TMTC2: variants seen among roughly 807,000 people sequenced by gnomAD.
The protein encoded by TMTC2 is transmembrane O-mannosyltransferase targeting cadherins 2.
In TMTC2, 43 loss-of-function variants were observed where a neutral mutation model predicts 82.4. That is an observed-to-expected ratio of 0.52 (90% CI 0.41 to 0.67). The LOEUF (loss-of-function observed/expected upper bound fraction) is 0.67, where lower values mean the gene tolerates loss of function less well. Ranked by LOEUF, TMTC2 falls within the 30% of genes least tolerant of loss-of-function variation. The pLI is 0.00. For synonymous variants in TMTC2, 408 were observed against 381.9 expected, an observed-to-expected ratio of 1.07 and a Z score of -0.80; for missense variants, 919 against 1,012.4, an observed-to-expected ratio of 0.91 and a Z score of 1.25.
intron 1 of TMTC2, among the ~76,000 whole-genome samples, chr12:82,698,343 C>T (rs747561543): frequency 6.6e-5 from 10 of 152,060 alleles, no homozygotes; most frequent in Non-Finnish European, 1.2e-4. Flanking sequence ...GCTCAGCTCT[C>T]ATGAACTCAG....
chr12:83,075,573 G>T (rs1285907081), intron 11 of TMTC2, among the ~76,000 whole-genome samples: 3 of 151,914 alleles, frequency 2.0e-5, no homozygotes, highest in Non-Finnish European at 4.4e-5. Flanking sequence ...TTGATCTTAG[G>T]TTTATTCACA....
At chr12:82,694,419 A>G (rs1364314351) in intron 1 of TMTC2, among the ~76,000 whole-genome samples, 12 of 152,226 alleles carry the variant, frequency 7.9e-5, no homozygotes, top group Non-Finnish European at 1.3e-4. Flanking sequence ...TTATTCCTGT[A>G]CCACATTGCT....
At chr12:82,743,315 C>G (rs1463336049) in intron 1 of TMTC2, among the ~76,000 whole-genome samples, 2 of 151,942 alleles carry the variant, frequency 1.3e-5, no homozygotes, top group South Asian at 2.1e-4. Context: ...GTGGTGCGTT[C>G]CTGTAATCAT....
intron 1 of TMTC2, among the ~76,000 whole-genome samples, chr12:82,784,615 C>G (rs1397852484): frequency 1.3e-5 from 2 of 152,088 alleles, no homozygotes; most frequent in Non-Finnish European, 2.9e-5. Context: ...CTTTCTCATT[C>G]ACCTTAAAGC....
chr12:82,938,405 C>CT (rs1876526927), intron 4 of TMTC2, among the ~76,000 whole-genome samples: 1 of 152,064 alleles, frequency 6.6e-6, no homozygotes, highest in Admixed American at 6.6e-5. Flanking sequence ...AAAAGTAATA[C>CT]TTCAGGACAG....
Position 83,127,949 on chromosome 12 carries a change from T to A in TMTC2, c.2332-4261T>A, listed in dbSNP as rs74106071. 4.1e-3 allele frequency among the ~76,000 whole-genome samples: 618 copies of A among 152,290 alleles called. 7 individuals are homozygous for A. The highest frequency in any genetic ancestry group is 0.014 in the African/African-American group (589 of 41,564). On this transcript the variant is annotated intron_variant, in intron 11 of 11. Coordinates refer to ENST00000321196, the MANE Select transcript of TMTC2 (RefSeq NM_152588.3). ...AAATATATCATTTTCTGTTTCAGTATGGCTGCCAGTCAGTCCCTTTGATAT... is the reference window on the plus strand; with the variant it reads ...AAATATATCATTTTCTGTTTCAGTAAGGCTGCCAGTCAGTCCCTTTGATAT...
In TMTC2 at chr12:82,940,967, C is replaced by T. The variant is rs149173258; in HGVS notation, c.1598+10422C>T. On this transcript the variant is annotated intron_variant, in intron 4 of 11. Coordinates refer to ENST00000321196, the MANE Select transcript of TMTC2 (RefSeq NM_152588.3). ...TAACATGACCCAGATTATAAAGAGC[C>T]AAGTATTTATGGTATTTGTGATACC... Among the ~76,000 whole-genome samples, 44 of 151,904 alleles carry T rather than the reference C, an allele frequency of 2.9e-4. 1 individual carries two copies. Among genetic ancestry groups the T allele is most frequent in the African/African-American group, 1.0e-3 (42 of 41,426 alleles).
chr12:82,918,714 TTCTC>T (rs61006862), intron 3 of TMTC2, among the ~76,000 whole-genome samples: 126,405 of 148,386 alleles, frequency 0.85, 53,861 homozygotes, highest in East Asian at 0.98. Flanking sequence ...TTTTCTTTTC[TTCTC>T]TCTCTCTCTC....
At chr12:82,827,637 T>C (rs1280340095) in intron 1 of TMTC2, among the ~76,000 whole-genome samples, 1 of 151,958 alleles carries the variant, frequency 6.6e-6, no homozygotes, top group Non-Finnish European at 1.5e-5. Context: ...AGTATAAGGA[T>C]GAACATCTTC....
intron 2 of TMTC2, among the ~76,000 whole-genome samples, chr12:82,879,470 C>T (rs1872725763): frequency 6.6e-6 from 1 of 152,198 alleles, no homozygotes; most frequent in Admixed American, 6.5e-5. Context: ...AATGCTGCTC[C>T]TTATCTGACA....
intron 1 of TMTC2, among the ~76,000 whole-genome samples, chr12:82,799,564 G>C (rs981402825): frequency 6.6e-6 from 1 of 152,138 alleles, no homozygotes; most frequent in East Asian, 1.9e-4. Flanking sequence ...ATCTGAGATA[G>C]TGTCTGCAGG....
intron 1 of TMTC2, among the ~76,000 whole-genome samples, chr12:82,690,679 G>A (rs1328019337): frequency 6.6e-6 from 1 of 152,122 alleles, no homozygotes; most frequent in Non-Finnish European, 1.5e-5. Flanking sequence ...GATGAAAAAG[G>A]GTATGTGGTT....
chr12:82,836,025 A>T (rs987768137), intron 1 of TMTC2, among the ~76,000 whole-genome samples: 2 of 152,236 alleles, frequency 1.3e-5, no homozygotes, highest in Non-Finnish European at 2.9e-5. Flanking sequence ...GGGCTCTAAC[A>T]CCATGTTTCA....
chr12:82,980,244 G>T (rs897622838), intron 7 of TMTC2, among the ~76,000 whole-genome samples: 3 of 151,618 alleles, frequency 2.0e-5, no homozygotes, highest in Admixed American at 6.6e-5. Flanking sequence ...CAAATTAAAA[G>T]TAACCTATAA....
At chr12:82,719,085 A>ATATATATATATATATTTT (rs1282211374) in intron 1 of TMTC2, among the ~76,000 whole-genome samples, 2 of 41,412 alleles carry the variant, frequency 4.8e-5, no homozygotes, top group African/African-American at 1.2e-4. Context: ...ATATATATAT[A>ATATATATATATATATTTT]TTTTTTTTTT....
chr12:82,767,848 C>T (rs548651132), intron 1 of TMTC2, among the ~76,000 whole-genome samples: 24 of 152,324 alleles, frequency 1.6e-4, no homozygotes, highest in African/African-American at 5.8e-4. Context: ...AGAAACCCAG[C>T]TCCCCTTAAA....
At chr12:82,903,438 G>A (rs1211074259) in intron 3 of TMTC2, among the ~76,000 whole-genome samples, 2 of 145,152 alleles carry the variant, frequency 1.4e-5, no homozygotes, top group Non-Finnish European at 3.1e-5. Context: ...TTGAGACAGA[G>A]TCTCGCTCTG....
At chr12:83,060,170 G>A (rs1301422939) in intron 10 of TMTC2, among the ~76,000 whole-genome samples, 1 of 151,750 alleles carries the variant, frequency 6.6e-6, no homozygotes, top group Non-Finnish European at 1.5e-5. Flanking sequence ...GTTGTAACAT[G>A]TCATGGGTCC....
At chr12:82,776,094 C>T (rs187300921) in intron 1 of TMTC2, among the ~76,000 whole-genome samples, 4 of 152,010 alleles carry the variant, frequency 2.6e-5, no homozygotes, top group Non-Finnish European at 4.4e-5. Context: ...TGAATTGAAC[C>T]GTTATTGAGT....
Sources: allele counts gnomAD v4.1 joint callset (sites outside exome capture counted in the v4.1 genomes callset), GRCh38; gene constraint gnomAD v4.1.1; transcripts MANE v1.5; gene names NCBI Gene and HGNC (gene_info 2026-07-23, HGNC 2026-07-21).